The following KIF13B variants were observed in gnomAD, a reference collection of about 807,000 sequenced individuals.
KIF13B encodes kinesin-like protein KIF13B.
KIF13B carries 127 observed loss-of-function variants against 222.0 expected under a neutral mutation model. The ratio of observed to expected loss-of-function variants is 0.57; its 90% confidence interval spans 0.50 to 0.66. The LOEUF (loss-of-function observed/expected upper bound fraction) is 0.66. KIF13B is among the 30% of genes least tolerant of loss of function. KIF13B has a pLI of 0.00. For synonymous variants in KIF13B, 976 were observed against 919.0 expected, an observed-to-expected ratio of 1.06 and a Z score of -1.12; for missense variants, 2,173 against 2,379.0, an observed-to-expected ratio of 0.91 and a Z score of 1.80.
At chr8:29,094,551 A>G (rs1037586166) in intron 36 of KIF13B, among the ~76,000 whole-genome samples, 1 of 152,248 alleles carries the variant, frequency 6.6e-6, no homozygotes, top group Non-Finnish European at 1.5e-5. Flanking sequence ...TCGTCAGAAC[A>G]CTGGCTGACC....
intron 20 of KIF13B, 68 bp from the exon 21 acceptor site, chr8:29,140,259 C>A (rs1236655238): frequency 2.5e-6 from 4 of 1,590,696 alleles, no homozygotes; most frequent in East Asian, 2.2e-5. Context: ...GATGACCTCT[C>A]TTCTCTTTTA....
intron 35 of KIF13B, among the ~76,000 whole-genome samples, chr8:29,105,482 G>A (rs1394827916): frequency 6.6e-6 from 1 of 152,124 alleles, no homozygotes; most frequent in Non-Finnish European, 1.5e-5. Flanking sequence ...GAAGCCAGTG[G>A]GGGGTCCATG....
chr8:29,101,756 C>G (rs1194161657), intron 35 of KIF13B, among the ~76,000 whole-genome samples: 1 of 152,206 alleles, frequency 6.6e-6, no homozygotes, highest in Non-Finnish European at 1.5e-5. Flanking sequence ...TCTGATCCCA[C>G]TGTCCTGAGA....
intron 1 of KIF13B, among the ~76,000 whole-genome samples, chr8:29,255,648 T>A (rs1259097747): frequency 6.6e-6 from 1 of 152,104 alleles, no homozygotes; most frequent in Non-Finnish European, 1.5e-5. Context: ...CTCAGAGGAA[T>A]GTTCTTGAGA....
intron 10 of KIF13B, among the ~76,000 whole-genome samples, chr8:29,171,118 C>A (rs1039230465): frequency 6.6e-6 from 1 of 152,064 alleles, no homozygotes; most frequent in African/African-American, 2.4e-5. Flanking sequence ...GCAGTAGGAA[C>A]GAAAAGAGGG....
chr8:29,217,472 C>G (rs541016815), intron 2 of KIF13B, among the ~76,000 whole-genome samples: 2 of 152,264 alleles, frequency 1.3e-5, no homozygotes, highest in African/African-American at 4.8e-5. Context: ...AACAAGAGAG[C>G]CTATTTCATG....
At chr8:29,181,754 G>A (rs760600120) in intron 7 of KIF13B, among the ~76,000 whole-genome samples, 165 bp downstream of exon 7, 5 of 151,934 alleles carry the variant, frequency 3.3e-5, no homozygotes, top group African/African-American at 4.8e-5. Context: ...ATATTTATTC[G>A]CTTGTCTGTG....
At chr8:29,230,934 C>T (rs1815257498) in intron 2 of KIF13B, among the ~76,000 whole-genome samples, 1 of 152,198 alleles carries the variant, frequency 6.6e-6, no homozygotes, top group Admixed American at 6.5e-5. Context: ...TGCAGTAGTG[C>T]AATCACACCA....
chr8:29,151,352 G>C (rs963120293), intron 14 of KIF13B, among the ~76,000 whole-genome samples: 1 of 152,224 alleles, frequency 6.6e-6, no homozygotes, highest in Non-Finnish European at 1.5e-5. Context: ...AGTGCTGATG[G>C]AGAAGCTGCA....
chr8:29,240,114 T>C (rs1219820695), intron 2 of KIF13B, among the ~76,000 whole-genome samples: 10 of 151,446 alleles, frequency 6.6e-5, no homozygotes, highest in African/African-American at 2.2e-4. Context: ...AAGTGGGTGA[T>C]ATTATTTTCA....
At chr8:29,198,996 T>G (rs934422905) in intron 2 of KIF13B, among the ~76,000 whole-genome samples, 15 of 151,964 alleles carry the variant, frequency 9.9e-5, no homozygotes, top group African/African-American at 3.6e-4. Flanking sequence ...ACGGGTACAC[T>G]AAAATCTCAG....
chr8:29,253,886 A>G lies in KIF13B; in HGVS notation c.56-8447T>C, dbSNP rs183273177. 7.9e-5 allele frequency among the ~76,000 whole-genome samples: 12 copies of G among 151,964 alleles called. 1 individual carries two copies. On this transcript the variant is annotated intron_variant, in intron 1 of 39. Coordinates refer to ENST00000524189, the MANE Select transcript of KIF13B (RefSeq NM_015254.4). ...TTAAGGCAGAACTAGAATAGCCAAA[A>G]CAATCTTGAAAAAGAAAAACAAAGT...
chr8:29,157,363 C>G (rs1335953448), intron 13 of KIF13B, among the ~76,000 whole-genome samples: 2 of 136,270 alleles, frequency 1.5e-5, no homozygotes, highest in East Asian at 4.2e-4. Flanking sequence ...AAGACCAGCC[C>G]GGGCAACACA....
chr8:29,208,970 T>C (rs1814084126), intron 2 of KIF13B, among the ~76,000 whole-genome samples: 1 of 152,176 alleles, frequency 6.6e-6, no homozygotes, highest in Admixed American at 6.5e-5. Context: ...CCAACTCCCT[T>C]GCTGGAGTGC....
At chr8:29,132,894 A>G (rs1009967939) in intron 22 of KIF13B, among the ~76,000 whole-genome samples, 2 of 152,232 alleles carry the variant, frequency 1.3e-5, no homozygotes, top group South Asian at 4.1e-4. Flanking sequence ...TTAGGAGAAT[A>G]AGGAAATAAA....
intron 21 of KIF13B, among the ~76,000 whole-genome samples, chr8:29,137,528 T>C (rs1427741500): frequency 1.3e-5 from 2 of 152,250 alleles, no homozygotes; most frequent in African/African-American, 4.8e-5. Context: ...TATGTGCATA[T>C]AGCCTTGTTA....
chr8:29,200,356 T>C (rs1382360325), intron 2 of KIF13B, among the ~76,000 whole-genome samples: 2 of 152,240 alleles, frequency 1.3e-5, no homozygotes, highest in African/African-American at 4.8e-5. Context: ...ACTGTGGAGA[T>C]TCAGGAAGCA....
chr8:29,231,138 C>T (rs1351898107), intron 2 of KIF13B, among the ~76,000 whole-genome samples: 1 of 152,152 alleles, frequency 6.6e-6, no homozygotes. Context: ...CCTCAGCCTC[C>T]CAAAGTGCTG....
At chr8:29,235,882 T>C (rs1258617393) in intron 2 of KIF13B, among the ~76,000 whole-genome samples, 1 of 152,112 alleles carries the variant, frequency 6.6e-6, no homozygotes, top group Non-Finnish European at 1.5e-5. Flanking sequence ...CCTAGGGTAA[T>C]GTCAGAAGAA....
Sources: gnomAD v4.1 joint callset for allele counts (sites outside exome capture counted in the v4.1 genomes callset) on GRCh38, gnomAD v4.1.1 for gene constraint, MANE v1.5 for transcripts, NCBI Gene and HGNC (gene_info 2026-07-23, HGNC 2026-07-21) for gene names.